CNBD1: variants seen among roughly 807,000 people sequenced by gnomAD.
CNBD1 encodes cyclic nucleotide-binding domain-containing protein 1.
Under a neutral mutation model 54.4 loss-of-function variants are expected in CNBD1, and 71 were observed. That is an observed-to-expected ratio of 1.30 (90% CI 1.08 to 1.59). CNBD1 has a LOEUF of 1.59. Among genes scored for constraint, CNBD1 ranks in the 40% most tolerant of loss-of-function variants. The pLI, the probability that CNBD1 is intolerant of heterozygous loss-of-function variation, is 0.00. For missense variants in CNBD1, 659 were observed against 518.0 expected (o/e 1.27, Z -2.64); for synonymous variants, 182 against 170.7 (o/e 1.07, Z -0.51).
At chr8:86,988,993 G>A (rs1359226641) in intron 4 of CNBD1, among the ~76,000 whole-genome samples, 2 of 152,094 alleles carry the variant, frequency 1.3e-5, no homozygotes, top group Non-Finnish European at 2.9e-5. Flanking sequence ...GAGATCACAG[G>A]GAATGATGGC....
chr8:87,137,534 T>C (rs1812281988), intron 4 of CNBD1, among the ~76,000 whole-genome samples: 1 of 152,006 alleles, frequency 6.6e-6, no homozygotes. Flanking sequence ...AACAAACTTA[T>C]AACACGTTAT....
intron 6 of CNBD1, among the ~76,000 whole-genome samples, chr8:87,277,004 T>C (rs1382992387): frequency 6.6e-6 from 1 of 151,576 alleles, no homozygotes; most frequent in Non-Finnish European, 1.5e-5. Flanking sequence ...AATACACATC[T>C]GGTTGAATTA....
chr8:87,150,597 G>T (rs1812583554), intron 4 of CNBD1, among the ~76,000 whole-genome samples: 1 of 152,166 alleles, frequency 6.6e-6, no homozygotes, highest in Non-Finnish European at 1.5e-5. Context: ...TGTAATAGAG[G>T]TCAAAATTAT....
rs190417711 is a variant in CNBD1 at position 87,159,627 on chromosome 8, T to C, written c.432-46366T>C. 2.7e-4 allele frequency among the ~76,000 whole-genome samples: 41 copies of C among 152,192 alleles called. 1 individual carries two copies. The highest frequency in any genetic ancestry group is 2.9e-5 in the Non-Finnish European group (2 of 68,006). ...TGGATGACCAGTATCACATCTGCTA[T>C]AGTTGGACTGCTGGTGTGGAAATTG... On this transcript the variant is annotated intron_variant, in intron 4 of 10. Transcript: ENST00000518476.
chr8:87,247,150 T>C (rs1807822301), intron 6 of CNBD1, among the ~76,000 whole-genome samples: 1 of 152,122 alleles, frequency 6.6e-6, no homozygotes, highest in Admixed American at 6.6e-5. Context: ...CCAGAACATA[T>C]GGGGATTTGA....
chr8:87,235,151 G>T (rs1347319707), intron 5 of CNBD1, among the ~76,000 whole-genome samples: 1 of 152,064 alleles, frequency 6.6e-6, no homozygotes, highest in African/African-American at 2.4e-5. Context: ...TCTGGATTAG[G>T]TTTCATTTAA....
chr8:86,910,933 C>CA lies in CNBD1; in HGVS notation c.272+5745dup, dbSNP rs1472870843. 3.3e-5 allele frequency among the ~76,000 whole-genome samples: 5 copies of CA among 152,204 alleles called. No individual in the cohort carries two copies. In the South Asian group the frequency reaches 8.3e-4, roughly 25 times the overall value. Reference sequence around the variant, plus strand: ...GGTGGTGTTTGATTTACACAGGGCACAAAAAATTGGTCGGATCAGGTATGC... The same window carrying CA: ...GGTGGTGTTTGATTTACACAGGGCACAAAAAAATTGGTCGGATCAGGTATGC... On this transcript the variant is annotated intron_variant, in intron 3 of 10. Transcript: ENST00000518476.
At chr8:87,135,061 G>A (rs1461137590) in intron 4 of CNBD1, among the ~76,000 whole-genome samples, 1 of 151,986 alleles carries the variant, frequency 6.6e-6, no homozygotes, top group African/African-American at 2.4e-5. Flanking sequence ...GTATTTTGAT[G>A]TTTATTCCAG....
In CNBD1 at chr8:87,135,423, A is replaced by G. The variant is rs572475492; in HGVS notation, c.432-70570A>G. ...CCTTGCTTTAACAAATTTCATGTAGATATTGCTTTAGCAAATGTCATGGTA... is the reference window on the plus strand; with the variant it reads ...CCTTGCTTTAACAAATTTCATGTAGGTATTGCTTTAGCAAATGTCATGGTA... On this transcript the variant is annotated intron_variant, in intron 4 of 10. Coordinates refer to ENST00000518476, the MANE Select transcript of CNBD1 (RefSeq NM_173538.3). Among the ~76,000 whole-genome samples the G allele has an allele frequency of 2.9e-3, 440 of 151,678 alleles. 1 individual carries two copies. The highest frequency in any genetic ancestry group is 0.01 in the African/African-American group (425 of 41,470).
At chr8:87,423,203 C>T (rs1283738181) in intron 2 of CNBD1, among the ~76,000 whole-genome samples, 5 of 152,152 alleles carry the variant, frequency 3.3e-5, no homozygotes, top group Non-Finnish European at 7.3e-5. Flanking sequence ...TCTAGATATA[C>T]ATTCATGTCA....
At chr8:87,168,291 T>C (rs1034782128) in intron 4 of CNBD1, among the ~76,000 whole-genome samples, 1 of 152,050 alleles carries the variant, frequency 6.6e-6, no homozygotes, top group South Asian at 2.1e-4. Flanking sequence ...TTTTTATTTT[T>C]ATTTTATGGG....
chr8:86,925,482 AGT>A (rs71275894), intron 3 of CNBD1, among the ~76,000 whole-genome samples: 10,159 of 141,542 alleles, frequency 0.072, 467 homozygotes, highest in Admixed American at 0.15. Context: ...CTTACCAAAA[AGT>A]GTGTGTGTGT....
At chr8:87,116,365 C>A (rs2130710079) in intron 4 of CNBD1, among the ~76,000 whole-genome samples, 1 of 151,720 alleles carries the variant, frequency 6.6e-6, no homozygotes, top group South Asian at 2.1e-4. Context: ...CCACACCTGG[C>A]TAATTTTTGT....
intron 2 of CNBD1, among the ~76,000 whole-genome samples, chr8:87,415,459 G>T (rs1807819330): frequency 1.3e-5 from 2 of 151,986 alleles, no homozygotes. Context: ...GAAATTTCAA[G>T]TGTCCCTATC....
chr8:87,323,413 G>A (rs1053919154), intron 8 of CNBD1, among the ~76,000 whole-genome samples: 62 of 139,410 alleles, frequency 4.4e-4, no homozygotes, highest in Non-Finnish European at 8.7e-4. Flanking sequence ...CCATTTTCAC[G>A]ATATTGATTC....
At position 87,371,045 on chromosome 8, in the gene CNBD1, C is replaced by T. The variant is rs1239660850; in HGVS notation, c.1304-11575C>T. Among the ~76,000 whole-genome samples the T allele has an allele frequency of 1.3e-4, 19 of 150,270 alleles. 2 individuals carry two copies. The highest frequency in any genetic ancestry group is 2.0e-4 in the East Asian group (1 of 5,092). On this transcript the variant is annotated intron_variant, in intron 10 of 10. Transcript: ENST00000518476. ...CAAAGATCAGATAGTTGTAGATATGCGGCGTTATTTCTGAGGGCTGTGTTC... is the reference window on the plus strand; with the variant it reads ...CAAAGATCAGATAGTTGTAGATATGTGGCGTTATTTCTGAGGGCTGTGTTC...
intron 8 of CNBD1, among the ~76,000 whole-genome samples, chr8:87,318,615 C>A (rs560410234): frequency 6.6e-6 from 1 of 151,640 alleles, no homozygotes; most frequent in Non-Finnish European, 1.5e-5. Flanking sequence ...TTCCCAGAAA[C>A]GCTGGAGGCA....
intron 3 of CNBD1, among the ~76,000 whole-genome samples, chr8:86,928,113 G>C (rs1809395025): frequency 6.6e-6 from 1 of 152,100 alleles, no homozygotes; most frequent in Non-Finnish European, 1.5e-5. Context: ...CTCCTGGTTG[G>C]AACAGCTCTG....
intron 4 of CNBD1, among the ~76,000 whole-genome samples, chr8:86,988,387 T>C (rs1235939861): frequency 6.6e-6 from 1 of 152,118 alleles, no homozygotes; most frequent in East Asian, 1.9e-4. Context: ...ATTTTTATTT[T>C]TTGTGGGTAC....
Sources: gnomAD v4.1 joint callset for allele counts (sites outside exome capture counted in the v4.1 genomes callset) on GRCh38, gnomAD v4.1.1 for gene constraint, MANE v1.5 for transcripts, NCBI Gene and HGNC (gene_info 2026-07-23, HGNC 2026-07-21) for gene names.